The following KCNK9 variants were observed in gnomAD, a reference collection of about 807,000 sequenced individuals.
KCNK9 encodes the protein potassium two pore domain channel subfamily K member 9.
A neutral mutation model predicts 10.8 loss-of-function variants in KCNK9; 1 was observed. The ratio of observed to expected loss-of-function variants is 0.09; its 90% CI spans 0.03 to 0.44. The LOEUF (loss-of-function observed/expected upper bound fraction) is 0.44, where lower values mean the gene tolerates loss of function less well. Among genes scored for constraint, KCNK9 ranks in the 20% least tolerant of loss-of-function variants. The pLI, the probability that KCNK9 is intolerant of heterozygous loss-of-function variation, is 0.97. For missense variants in KCNK9, 303 were observed against 515.0 expected (o/e 0.59, Z 3.98); for synonymous variants, 231 against 222.7 (o/e 1.04, Z -0.33).
intron 1 of KCNK9, among the ~76,000 whole-genome samples, chr8:139,694,841 T>A (rs545281128): frequency 3.4e-4 from 51 of 152,206 alleles, no homozygotes; most frequent in African/African-American, 1.2e-3. Context: ...AGCACCACCT[T>A]CGAGCAGCCA....
At chr8:139,698,361 C>T (rs117691423) in intron 1 of KCNK9, among the ~76,000 whole-genome samples, 1,650 of 152,130 alleles carry the variant, frequency 0.011, 10 homozygotes, top group Non-Finnish European at 0.017. Context: ...TGCAGGTGCA[C>T]GGGAAAACAC....
At chr8:139,673,476 G>A (rs918068664) in intron 1 of KCNK9, among the ~76,000 whole-genome samples, 1 of 152,192 alleles carries the variant, frequency 6.6e-6, no homozygotes, top group Non-Finnish European at 1.5e-5. Flanking sequence ...GAGCAGTGGG[G>A]ATGCGTGCAG....
intron 1 of KCNK9, among the ~76,000 whole-genome samples, chr8:139,642,228 C>G (rs569210470): frequency 2.0e-5 from 3 of 152,304 alleles, no homozygotes; most frequent in African/African-American, 7.2e-5. Context: ...CATTCCCCAC[C>G]AAGAGCAGCC....
rs534212271 is a variant in KCNK9 at position 139,648,249 on chromosome 8, G to A, written c.284-29150C>T. Among the ~76,000 whole-genome samples the A allele has an allele frequency of 1.6e-3, 251 of 152,250 alleles. 1 individual carries two copies. The highest frequency in any genetic ancestry group is 6.0e-3 in the African/African-American group (248 of 41,544). On this transcript the variant is annotated intron_variant, in intron 1 of 1. Coordinates refer to ENST00000520439, the MANE Select transcript of KCNK9 (RefSeq NM_001282534.2). ...AGAGACAGAAAGTGGATCACTGGCC[G>A]CTAGGGGATGGGGAGGAGAGAATGG...
rs577938929 is a variant in KCNK9, at chr8:139,694,021, G to A, written c.283+8689C>T. ...GCAGCCTGTGGCCCCCAAAGCCCCC[G>A]GCTTGACACCATCCCAACCCCCATC... On this transcript the variant is annotated intron_variant, in intron 1 of 1. Coordinates refer to ENST00000520439, the MANE Select transcript of KCNK9 (RefSeq NM_001282534.2). Among the ~76,000 whole-genome samples the A allele has an allele frequency of 3.9e-5, 6 of 152,194 alleles. No homozygotes were observed. The South Asian group carries it at 6.2e-4, about 16-fold the overall frequency.
At chr8:139,691,501 C>A (rs55774122) in intron 1 of KCNK9, among the ~76,000 whole-genome samples, 4 of 152,150 alleles carry the variant, frequency 2.6e-5, no homozygotes, top group Admixed American at 2.6e-4. Flanking sequence ...AGTGCTGTGC[C>A]CCCTGACCTG....
intron 1 of KCNK9, among the ~76,000 whole-genome samples, chr8:139,626,254 C>T (rs761329647): frequency 7.2e-5 from 11 of 152,202 alleles, no homozygotes; most frequent in Admixed American, 2.0e-4. Context: ...CCATGAGTGA[C>T]CTTCACAGAC....
chr8:139,677,902 C>A (rs1816597662), intron 1 of KCNK9, among the ~76,000 whole-genome samples: 1 of 146,426 alleles, frequency 6.8e-6, no homozygotes, highest in Non-Finnish European at 1.5e-5. Context: ...CATCTGAGCC[C>A]AATGTGTCCC....
intron 1 of KCNK9, among the ~76,000 whole-genome samples, chr8:139,662,578 G>T (rs1816184310): frequency 1.3e-5 from 2 of 152,234 alleles, no homozygotes; most frequent in South Asian, 4.1e-4. Flanking sequence ...CCTTCTGCTG[G>T]CCTGGACTGG....
intron 2 of KCNK9, among the ~76,000 whole-genome samples, chr8:139,603,702 G>T (rs932297885): frequency 1.3e-5 from 2 of 152,204 alleles, no homozygotes; most frequent in African/African-American, 4.8e-5. Flanking sequence ...AACCTGCTCA[G>T]GGTGTCCCTC....
Position 139,702,615 on chromosome 8 carries a change from C to G in KCNK9, c.283+95G>C. On this transcript the variant is annotated intron_variant, in intron 1 of 1. Transcript: ENST00000520439. The surrounding 1 kb of genome is among the most constrained non-coding windows in gnomAD (Gnocchi z 7.5). The stretch of plus-strand genomic sequence containing the variant: ...CCCCCAAGGGAGGCTGCGTTTAACC[C>G]TCGACGCCCTGCACCCAGCCCGGCG... The G allele has an allele frequency of 7.5e-7, 1 of 1,332,088 alleles. No homozygotes were observed. Among genetic ancestry groups the G allele is most frequent in the Non-Finnish European group, 1.0e-6 (1 of 984,918 alleles). The allele number at this position is 1,332,088 out of a possible 1,614,324, so 82.5% of individuals were successfully genotyped here.
At chr8:139,659,011 G>A (rs1217442020) in intron 1 of KCNK9, among the ~76,000 whole-genome samples, 1 of 137,812 alleles carries the variant, frequency 7.3e-6, no homozygotes, top group Non-Finnish European at 1.5e-5. Flanking sequence ...TTAGAGGTGA[G>A]TGTGAAGCAA....
chr8:139,687,684 T>A (rs951642495), intron 1 of KCNK9, among the ~76,000 whole-genome samples: 43 of 138,462 alleles, frequency 3.1e-4, no homozygotes, highest in African/African-American at 1.1e-3. Context: ...ACATATATAT[T>A]CATATGTATA....
intron 1 of KCNK9, among the ~76,000 whole-genome samples, chr8:139,672,617 T>C (rs1355243655): frequency 6.6e-6 from 1 of 152,210 alleles, no homozygotes; most frequent in East Asian, 1.9e-4. Context: ...GGGGAGCCTG[T>C]AGCAGAGGGA....
At chr8:139,699,411 G>C (rs574011948) in intron 1 of KCNK9, among the ~76,000 whole-genome samples, 1 of 152,308 alleles carries the variant, frequency 6.6e-6, no homozygotes, top group East Asian at 1.9e-4. Flanking sequence ...CCACCAACAG[G>C]TGGTGGGGCG....
At chr8:139,639,344 G>T (rs952304370) in intron 1 of KCNK9, among the ~76,000 whole-genome samples, 1 of 152,186 alleles carries the variant, frequency 6.6e-6, no homozygotes, top group African/African-American at 2.4e-5. Context: ...AAGTAGTGAC[G>T]CCAAGATGTG....
intron 1 of KCNK9, among the ~76,000 whole-genome samples, chr8:139,647,466 T>C (rs1815725044): frequency 6.6e-6 from 1 of 152,202 alleles, no homozygotes; most frequent in African/African-American, 2.4e-5. Context: ...AGACAGTGCA[T>C]GCCCAGCATG....
At chr8:139,648,759 T>C (rs1815767028) in intron 1 of KCNK9, among the ~76,000 whole-genome samples, 1 of 152,204 alleles carries the variant, frequency 6.6e-6, no homozygotes, top group Non-Finnish European at 1.5e-5. Flanking sequence ...TGGACTCTTA[T>C]GGGCAGAGTC....
downstream of KCNK9, among the ~76,000 whole-genome samples, chr8:139,608,648 A>T (rs1586622238): frequency 6.6e-6 from 1 of 151,874 alleles, no homozygotes; most frequent in Non-Finnish European, 1.5e-5. Flanking sequence ...GTGGGGGTGT[A>T]CCTGCGCCCT....
Sources: allele counts gnomAD v4.1 joint callset (sites outside exome capture counted in the v4.1 genomes callset), GRCh38; gene constraint gnomAD v4.1.1; non-coding constraint Gnocchi (gnomAD v3.1); transcripts MANE v1.5; gene names NCBI Gene and HGNC (gene_info 2026-07-23, HGNC 2026-07-21).